CSMD3: variants seen among roughly 807,000 people sequenced by gnomAD.
CSMD3 encodes the protein CUB and Sushi multiple domains 3, also known as CUB and sushi domain-containing protein 3.
In CSMD3, 177 loss-of-function variants were observed where a neutral mutation model predicts 435.2. The observed-to-expected ratio is 0.41, with a 90% CI of 0.36 to 0.46. The LOEUF (loss-of-function observed/expected upper bound fraction) is 0.46. Among genes scored for constraint, CSMD3 ranks in the 20% least tolerant of loss-of-function variants. The probability of loss-of-function intolerance (pLI) is 0.34; values close to 1 mark genes in which losing one functional copy is unlikely to be tolerated. For synonymous variants in CSMD3, 1,656 were observed against 1,520.5 expected (o/e 1.09, Z -2.07); for missense variants, 4,265 against 4,504.6 (o/e 0.95, Z 1.52).
At chr8:113,334,831 T>G (rs940137102) in intron 1 of CSMD3, among the ~76,000 whole-genome samples, 2 of 152,126 alleles carry the variant, frequency 1.3e-5, no homozygotes, top group African/African-American at 4.8e-5. Context: ...TGTCTTAAGT[T>G]GTCCAATTGA....
intron 27 of CSMD3, 35 bp from the exon 28 acceptor site, chr8:112,517,260 T>C: frequency 6.6e-7 from 1 of 1,521,280 alleles, no homozygotes; most frequent in Non-Finnish European, 9.1e-7. Context: ...TTAGTTTTGA[T>C]AACTACCAAA....
intron 3 of CSMD3, among the ~76,000 whole-genome samples, chr8:113,205,207 T>G (rs2092757751): frequency 6.6e-6 from 1 of 152,102 alleles, no homozygotes; most frequent in Non-Finnish European, 1.5e-5. Flanking sequence ...GGTCTCTAAC[T>G]CCTGACCTCA....
intron 4 of CSMD3, among the ~76,000 whole-genome samples, chr8:113,111,686 T>C (rs2090645466): frequency 6.6e-6 from 1 of 152,126 alleles, no homozygotes; most frequent in African/African-American, 2.4e-5. Context: ...TATGTATTTA[T>C]TTATTTATTT....
At chr8:112,695,767 A>G (rs1191034068) in intron 13 of CSMD3, among the ~76,000 whole-genome samples, 1 of 152,198 alleles carries the variant, frequency 6.6e-6, no homozygotes, top group African/African-American at 2.4e-5. Flanking sequence ...AAGGGTATTC[A>G]GTTAGGAAAA....
At chr8:112,952,440 T>A (rs992557232) in intron 8 of CSMD3, among the ~76,000 whole-genome samples, 1 of 151,780 alleles carries the variant, frequency 6.6e-6, no homozygotes, top group South Asian at 2.1e-4. Flanking sequence ...ACTTTCTTTT[T>A]AATTATTTTG....
intron 11 of CSMD3, among the ~76,000 whole-genome samples, chr8:112,844,897 T>C (rs1006893650): frequency 6.6e-6 from 1 of 151,986 alleles, no homozygotes; most frequent in African/African-American, 2.4e-5. Flanking sequence ...ATTGCCATAA[T>C]TTATTTGAAT....
chr8:113,319,970 T>C (rs1282392844), intron 1 of CSMD3, among the ~76,000 whole-genome samples: 1 of 152,078 alleles, frequency 6.6e-6, no homozygotes, highest in African/African-American at 2.4e-5. Flanking sequence ...ATTCATCACA[T>C]ATTTCATGCC....
At chr8:112,776,784 T>C (rs559600630) in intron 13 of CSMD3, among the ~76,000 whole-genome samples, 1 of 151,850 alleles carries the variant, frequency 6.6e-6, no homozygotes, top group East Asian at 1.9e-4. Context: ...CCCTCAGAAG[T>C]TTCTATATGT....
intron 1 of CSMD3, among the ~76,000 whole-genome samples, chr8:113,431,534 A>G (rs1382673300): frequency 6.6e-6 from 1 of 152,226 alleles, no homozygotes; most frequent in African/African-American, 2.4e-5. Context: ...GTGCTTTAAA[A>G]TAGACAAAAT....
chr8:113,320,348 A>T (rs1471929509), intron 1 of CSMD3, among the ~76,000 whole-genome samples: 1 of 152,130 alleles, frequency 6.6e-6, no homozygotes, highest in Non-Finnish European at 1.5e-5. Flanking sequence ...TCTCACTGTC[A>T]TCAAGAGTTT....
At chr8:112,507,023 A>T (rs73700989) in intron 28 of CSMD3, among the ~76,000 whole-genome samples, 194 bp from the exon 29 acceptor site, 2,701 of 152,256 alleles carry the variant, frequency 0.018, 79 homozygotes, top group African/African-American at 0.061. Context: ...GCATACATAC[A>T]TGGATACATA....
rs550362272 is a variant in CSMD3 at position 112,451,048 on chromosome 8, GA to G, written c.5395+21542del. On this transcript the variant is annotated intron_variant, in intron 32 of 70. Coordinates refer to ENST00000297405, the MANE Select transcript of CSMD3 (RefSeq NM_198123.2). ...ATAAACATTGGTACAAATATATGAT[GA>G]AAAAAATATTATGGAACTATTAAAA... Among the ~76,000 whole-genome samples, 473 of 151,974 alleles carry G rather than the reference GA, an allele frequency of 3.1e-3. 2 individuals carry two copies. The highest frequency in any genetic ancestry group is 9.6e-3 in the African/African-American group (397 of 41,474).
At chr8:112,304,340 C>T (rs1397408329) in intron 52 of CSMD3, among the ~76,000 whole-genome samples, 1 of 149,936 alleles carries the variant, frequency 6.7e-6, no homozygotes, top group Non-Finnish European at 1.5e-5. Context: ...TTTATAGGCT[C>T]TCTGACTTTA....
At chr8:112,408,122 CTG>C (rs1175266493) in intron 34 of CSMD3, among the ~76,000 whole-genome samples, 194 bp downstream of exon 34, 1 of 151,804 alleles carries the variant, frequency 6.6e-6, no homozygotes, top group Non-Finnish European at 1.5e-5. Flanking sequence ...GACATTTAAA[CTG>C]AGAATGATGA....
At chr8:112,712,912 G>A (rs1174889163) in intron 13 of CSMD3, among the ~76,000 whole-genome samples, 1 of 152,090 alleles carries the variant, frequency 6.6e-6, no homozygotes, top group Admixed American at 6.6e-5. Flanking sequence ...GGGGAAGCTG[G>A]TTATTAGTCT....
At chr8:112,350,894 AT>A (rs1312138540) in intron 40 of CSMD3, among the ~76,000 whole-genome samples, 4 of 152,172 alleles carry the variant, frequency 2.6e-5, no homozygotes, top group Middle Eastern at 3.4e-3. Flanking sequence ...CTCTCTAAGA[AT>A]TTTTTTAAGT....
At chr8:112,420,923 T>C (rs148091813) in intron 32 of CSMD3, among the ~76,000 whole-genome samples, 59 of 152,226 alleles carry the variant, frequency 3.9e-4, no homozygotes, top group Middle Eastern at 3.4e-3. Context: ...AACTCCACTC[T>C]GCATGTTGCC....
chr8:112,791,787 T>A (rs1184539333), intron 13 of CSMD3, among the ~76,000 whole-genome samples: 2 of 152,192 alleles, frequency 1.3e-5, no homozygotes, highest in Non-Finnish European at 2.9e-5. Flanking sequence ...GACATATGTT[T>A]AAGAAATTGC....
At chr8:112,456,762 G>A (rs1402835817) in intron 32 of CSMD3, among the ~76,000 whole-genome samples, 1 of 151,972 alleles carries the variant, frequency 6.6e-6, no homozygotes, top group Non-Finnish European at 1.5e-5. Context: ...AATACTGAAA[G>A]CTAGATTATA....
Sources: gnomAD v4.1 joint callset for allele counts (sites outside exome capture counted in the v4.1 genomes callset) on GRCh38, gnomAD v4.1.1 for gene constraint, MANE v1.5 for transcripts, NCBI Gene and HGNC (gene_info 2026-07-23, HGNC 2026-07-21) for gene names.